The following CACHD1 variants were observed in gnomAD, a reference collection of about 807,000 sequenced individuals.
The protein encoded by CACHD1 is VWFA and cache domain-containing protein 1.
Under a neutral mutation model 138.7 loss-of-function variants are expected in CACHD1, and 71 were observed. The observed-to-expected ratio is 0.51, with a 90% CI of 0.42 to 0.62. The LOEUF is 0.62. Among genes scored for constraint, CACHD1 ranks in the 20% least tolerant of loss-of-function variants. The pLI, the probability that CACHD1 is intolerant of heterozygous loss-of-function variation, is 0.00. For missense variants in CACHD1, 1,389 were observed against 1,625.3 expected (o/e 0.85, Z 2.50); for synonymous variants, 578 against 591.5 (o/e 0.98, Z 0.33).
rs145853609 is a variant in CACHD1, at chr1:64,655,346, G to A, written c.1782+543G>A. ...TATATATTTGTGTGTGTGTGTATACGCTCACCCACGGCTTTAATGGCTATA... is the reference window on the plus strand; with the variant it reads ...TATATATTTGTGTGTGTGTGTATACACTCACCCACGGCTTTAATGGCTATA... On this transcript the variant is annotated intron_variant, in intron 12 of 26. Transcript: ENST00000651257. Among the ~76,000 whole-genome samples the A allele has an allele frequency of 4.8e-3, 726 of 152,088 alleles. 8 individuals are homozygous for A. Among genetic ancestry groups the A allele is most frequent in the African/African-American group, 0.016 (673 of 41,482 alleles).
chr1:64,530,947 T>TA (rs1469944808), intron 1 of CACHD1, among the ~76,000 whole-genome samples: 1 of 149,196 alleles, frequency 6.7e-6, no homozygotes, highest in Non-Finnish European at 1.5e-5. Context: ...TTTTTTTTTT[T>TA]AGAAGGAAGA....
intron 4 of CACHD1, among the ~76,000 whole-genome samples, chr1:64,622,226 A>G (rs1041043986): frequency 3.3e-5 from 5 of 152,356 alleles, no homozygotes; most frequent in South Asian, 2.1e-4. Context: ...TCTCAGTTAT[A>G]TAAAAACCCC....
Position 64,629,347 on chromosome 1 carries a change from A to G in CACHD1, c.518-8A>G, listed in dbSNP as rs781646263. 23 of 1,613,036 alleles carry G rather than the reference A, an allele frequency of 1.4e-5. No individual in the cohort carries two copies. Among genetic ancestry groups the G allele is most frequent in the Middle Eastern group, 1.6e-4 (1 of 6,080 alleles). On this transcript the variant is annotated splice_polypyrimidine_tract_variant and splice_region_variant and intron_variant, in intron 4 of 26. Transcript: ENST00000651257. ...GGTGGTTATATTTCATTTTCCTTAC[A>G]CCTCTAGTTCTTGCAGACAACCTGA...
chr1:64,535,761 C>T (rs1159379345), intron 1 of CACHD1, among the ~76,000 whole-genome samples: 2 of 152,190 alleles, frequency 1.3e-5, no homozygotes, highest in African/African-American at 2.4e-5. Flanking sequence ...TAGGCCACCT[C>T]CCTCAGGGCC....
At chr1:64,547,664 G>A (rs1429001167) in intron 1 of CACHD1, among the ~76,000 whole-genome samples, 1 of 152,124 alleles carries the variant, frequency 6.6e-6, no homozygotes, top group African/African-American at 2.4e-5. Context: ...ACCGCACCCA[G>A]CCTAAGCCTG....
At chr1:64,618,185 T>C (rs1413887352) in intron 4 of CACHD1, among the ~76,000 whole-genome samples, 1 of 152,040 alleles carries the variant, frequency 6.6e-6, no homozygotes, top group Non-Finnish European at 1.5e-5. Context: ...TAATAAAACT[T>C]ACCTCAAAAC....
At chr1:64,572,943 T>C (rs979570749) in intron 2 of CACHD1, among the ~76,000 whole-genome samples, 1 of 152,202 alleles carries the variant, frequency 6.6e-6, no homozygotes, top group Non-Finnish European at 1.5e-5. Context: ...ATCTATCTTG[T>C]CCTGTATCGT....
In CACHD1 at chr1:64,632,700, A is replaced by T. The variant is rs775226287; in HGVS notation, c.746A>T (p.Asp249Val). 8.1e-6 allele frequency: 13 copies of T among 1,614,168 alleles called. No homozygotes were observed. In the Admixed American group the frequency reaches 1.8e-4, roughly 23 times the overall value. The change falls in exon 6 of 27, where the codon GAC becomes GTC. Residue 249 changes from aspartate (D) to valine (V), a missense_variant. By Grantham distance (152) the Asp-to-Val change is radical (BLOSUM62 -3). Transcript: ENST00000651257. ...VTDTQLQIAKDAAQVILSAID... is the reference protein window; with the variant it reads ...VTDTQLQIAKVAAQVILSAID... ...GACACTCAGCTTCAGATTGCCAAGG[A>T]CGCTGCTCAGGTCATCCTCAGCGCC...
At chr1:64,680,565 A>G (rs565996017) in intron 24 of CACHD1, among the ~76,000 whole-genome samples, 8 of 152,122 alleles carry the variant, frequency 5.3e-5, no homozygotes, top group East Asian at 1.9e-4. Context: ...TGCAGTATCT[A>G]TACTCTGTTT....
In CACHD1 at chr1:64,589,851, C is replaced by T. The variant is rs999292139; in HGVS notation, c.410+7547C>T. Among the ~76,000 whole-genome samples the T allele has an allele frequency of 1.2e-4, 18 of 152,276 alleles. 3 individuals carry two copies. Among genetic ancestry groups the T allele is most frequent in the Admixed American group, 4.6e-4 (7 of 15,304 alleles). ...CCCAGCCAAGTTGATATAAAGTTAT[C>T]CCTCCTGCCCTTTTACCCCTTTTAT... On this transcript the variant is annotated intron_variant, in intron 3 of 26. Transcript: ENST00000651257.
chr1:64,519,812 G>A (rs1272804919), intron 1 of CACHD1, among the ~76,000 whole-genome samples: 2 of 139,632 alleles, frequency 1.4e-5, no homozygotes, highest in African/African-American at 2.5e-5. Flanking sequence ...AAGCCAGTTC[G>A]GTTATACACA....
chr1:64,663,657 C>T lies in CACHD1; in HGVS notation c.1952-38C>T, dbSNP rs755842643. 44 of 1,613,312 alleles carry T rather than the reference C, an allele frequency of 2.7e-5. 1 individual carries two copies. In the East Asian group the frequency reaches 7.6e-4, roughly 28 times the overall value. On this transcript the variant is annotated intron_variant, in intron 13 of 26. Transcript: ENST00000651257. Reference sequence around the variant, plus strand: ...CTTTGTTTGGGATGAGATAGAGTCTCCGCATTCTCAGGCCTGCTTTGTTTG... The same window carrying T: ...CTTTGTTTGGGATGAGATAGAGTCTTCGCATTCTCAGGCCTGCTTTGTTTG...
intron 12 of CACHD1, 65 bp downstream of exon 12, chr1:64,654,868 A>G: frequency 8.1e-7 from 1 of 1,232,220 alleles, no homozygotes; most frequent in Non-Finnish European, 1.2e-6. Context: ...TTCATGTTGG[A>G]ATTCTCAGCC....
chr1:64,480,683 T>A (rs1279074000), intron 1 of CACHD1, among the ~76,000 whole-genome samples: 1 of 152,120 alleles, frequency 6.6e-6, no homozygotes, highest in Non-Finnish European at 1.5e-5. Flanking sequence ...TTTTTATTTT[T>A]TTTTTTACTG....
chr1:64,626,884 T>C (rs186226974), intron 4 of CACHD1, among the ~76,000 whole-genome samples: 2 of 152,282 alleles, frequency 1.3e-5, no homozygotes, highest in Admixed American at 1.3e-4. Flanking sequence ...TAATTGAAAG[T>C]TTAGTGTGTA....
intron 1 of CACHD1, among the ~76,000 whole-genome samples, chr1:64,547,903 T>C (rs6681578): frequency 0.6 from 91,469 of 152,136 alleles, 32,976 homozygotes; most frequent in Non-Finnish European, 0.77. Flanking sequence ...TACGGGTTTA[T>C]ACAAAATAAG....
chr1:64,516,457 G>C (rs1045309389), intron 1 of CACHD1, among the ~76,000 whole-genome samples: 1 of 152,118 alleles, frequency 6.6e-6, no homozygotes, highest in Non-Finnish European at 1.5e-5. Flanking sequence ...CAAAACACCC[G>C]GCATAATGCC....
At chr1:64,655,947 T>C (rs538514676) in intron 12 of CACHD1, among the ~76,000 whole-genome samples, 2 of 152,226 alleles carry the variant, frequency 1.3e-5, no homozygotes, top group Non-Finnish European at 1.5e-5. Flanking sequence ...ATTGAACATT[T>C]TCTGTGTACT....
At chr1:64,640,698 C>G (rs1304102354) in intron 7 of CACHD1, among the ~76,000 whole-genome samples, 2 of 9,120 alleles carry the variant, frequency 2.2e-4, no homozygotes, top group South Asian at 6.4e-3. Context: ...TACAGACACA[C>G]ACACACACAC....
Sources: gnomAD v4.1 joint callset for allele counts (sites outside exome capture counted in the v4.1 genomes callset) on GRCh38, gnomAD v4.1.1 for gene constraint, MANE v1.5 for transcripts, NCBI Gene and HGNC (gene_info 2026-07-23, HGNC 2026-07-21) for gene names.